The following LENG8 variants were observed in gnomAD, a reference collection of about 807,000 sequenced individuals.
The protein encoded by LENG8 is leukocyte receptor cluster (LRC) member 8.
A neutral mutation model predicts 102.1 loss-of-function variants in LENG8; 28 were observed. That is an observed-to-expected ratio of 0.27 (90% CI 0.20 to 0.38). The LOEUF is 0.38. Ranked by LOEUF, LENG8 falls within the 10% of genes least tolerant of loss-of-function variation. The pLI is 1.00. For synonymous variants in LENG8, 531 were observed against 456.7 expected (o/e 1.16, Z -2.07); for missense variants, 1,022 against 1,113.9 (o/e 0.92, Z 1.17).
At chr19:54,454,823 C>CACAT (rs1223757735) in intron 6 of LENG8, 128 bp from the exon 7 acceptor site, 1 of 1,431,382 alleles carries the variant, frequency 7.0e-7, no homozygotes, top group East Asian at 2.5e-5. Flanking sequence ...CTGGACCAGG[C>CACAT]ACATGTGTGC....
rs1314125077 is a variant in LENG8, at chr19:54,458,094, G to T, written c.1903-9G>T. ...TCTGCTCTCCTCCCTCGGTGCCTCT[G>T]CCTTCCAGGGTGACCATGAAGAGTT... On this transcript the variant is annotated splice_polypyrimidine_tract_variant and intron_variant, in intron 13 of 15. Coordinates refer to ENST00000326764, the MANE Select transcript of LENG8 (RefSeq NM_052925.4). 2.5e-6 allele frequency: 4 copies of T among 1,612,540 alleles called. No homozygotes were observed. The highest frequency in any genetic ancestry group is 3.4e-6 in the Non-Finnish European group (4 of 1,179,926).
At chr19:54,460,283 T>G (rs1875638646) in intron 15 of LENG8, 1 of 1,265,386 alleles carries the variant, frequency 7.9e-7, no homozygotes, top group East Asian at 5.7e-5. Flanking sequence ...CAGTAGTGTG[T>G]TTTAGCAGCA....
intron 15 of LENG8, chr19:54,459,140 C>T: frequency 1.5e-6 from 2 of 1,297,910 alleles, no homozygotes; most frequent in East Asian, 2.9e-5. Context: ...ATGGTTCTGT[C>T]TGGTGATTGA....
chr19:54,461,932 T>TTTCC lies in LENG8; in HGVS notation c.*1019_*1022dup, dbSNP rs988516292. On this transcript the variant is annotated 3_prime_UTR_variant, in exon 16 of 16. Transcript: ENST00000326764. ...TCCCCTTCCCCTCCTCTCCCCTCCT[T>TTTCC]TTCCTTCCTTCCTTCCTTTCCTTGG... The TTTCC allele has an allele frequency of 1.5e-5, 15 of 968,792 alleles. No individual in the cohort carries two copies. Among genetic ancestry groups the TTTCC allele is most frequent in the East Asian group, 7.2e-5 (3 of 41,804 alleles). The allele number at this position is 968,792 out of a possible 1,614,324, so 60.0% of individuals were successfully genotyped here. A position where few individuals can be genotyped will look rare whatever the true frequency, so the allele number is the denominator to read the frequency against.
chr19:54,459,473 C>T lies in LENG8; in HGVS notation c.2240+952C>T, dbSNP rs186588093. ...CTTGAGTGCCTGGCCAGGTGGCCCT[C>T]CACGTGAGGTCATGGTCACAGCATG... On this transcript the variant is annotated intron_variant, in intron 15 of 15. Transcript: ENST00000326764. The T allele has an allele frequency of 1.1e-4, 112 of 988,270 alleles. No individual in the cohort carries two copies. In the African/African-American group the frequency reaches 1.7e-3, roughly 15 times the overall value. 61.2% of individuals were successfully genotyped at this position (988,270 alleles called of 1,614,324 possible).
At chr19:54,457,038 T>C in intron 11 of LENG8, 117 bp downstream of exon 11, 1 of 1,180,542 alleles carries the variant, frequency 8.5e-7, no homozygotes, top group Non-Finnish European at 1.2e-6. Flanking sequence ...CAGGGGAAGC[T>C]CGGCCAGAGA....
At chr19:54,459,807 A>C in intron 15 of LENG8, 2 of 1,151,914 alleles carry the variant, frequency 1.7e-6, no homozygotes, top group South Asian at 3.5e-5. Flanking sequence ...TGCCGTGCAC[A>C]GAGCTCCATG....
chr19:54,452,729 C>A lies in LENG8; in HGVS notation c.292C>A (p.Pro98Thr). 1 of 1,613,482 alleles carries A rather than the reference C, an allele frequency of 6.2e-7. No homozygotes were observed. The highest frequency in any genetic ancestry group is 8.5e-7 in the Non-Finnish European group (1 of 1,179,384). Reference protein sequence around the residue: ...QWYQQYNYAYPYSYYYPMSMY... With the variant: ...QWYQQYNYAYTYSYYYPMSMY... ...GTACCAGCAGTACAACTATGCCTAC[C>A]CCTACAGCTACTACTATCCCATGGT... Residue 98 changes from proline (P) to threonine (T), a missense_variant, in exon 4 of 16, where the codon CCC (proline) becomes ACC (threonine). Physicochemically the swap from Pro to Thr is conservative, Grantham distance 38 (BLOSUM62 -1). Transcript: ENST00000326764.
At chr19:54,459,466 TG>T (rs1341346435) in intron 15 of LENG8, 1 of 986,170 alleles carries the variant, frequency 1.0e-6, no homozygotes, top group African/African-American at 1.8e-5. Context: ...CCTGGCCAGG[TG>T]GCCCTCCACG....
Position 54,458,363 on chromosome 19 carries a change from T to G in LENG8, c.2082T>G (p.Pro694=). 6.2e-7 allele frequency: 1 copy of G among 1,614,184 alleles called. No individual in the cohort carries two copies. The highest frequency in any genetic ancestry group is 1.1e-5 in the South Asian group (1 of 91,086). The change falls in exon 15 of 16, where the codon CCT becomes CCG. Residue 694 remains proline, a synonymous_variant. Transcript: ENST00000326764. Reference sequence around the variant, plus strand: ...TCACACGAGAACTGAAGGCAGATCCTTGCGTGGCCCACGCCTTGGCATTAA... The same window carrying G: ...TCACACGAGAACTGAAGGCAGATCCGTGCGTGGCCCACGCCTTGGCATTAA... ...AYLTRELKAD[P]CVAHALALRT...
chr19:54,456,127 A>T lies in LENG8; in HGVS notation c.1186A>T (p.Asn396Tyr). ...TGGGGGTGCCGGTCGAGCCCGGGGC[A>T]ACAGCTTCACCAAGTTTGGCAACCG... ...GAGGAGRARG[N>Y]SFTKFGNRNV... The change falls in exon 9 of 16, where the codon AAC becomes TAC. Residue 396 changes from asparagine (N) to tyrosine (Y), a missense_variant. Asn to Tyr is a moderately radical substitution (Grantham distance 143, BLOSUM62 -2). Around this residue, in one of 7 missense-constraint regions of LENG8, gnomAD observed 326 missense variants for 324.5 expected, o/e 1.00. Transcript: ENST00000326764. The T allele has an allele frequency of 6.2e-7, 1 of 1,610,822 alleles. No individual in the cohort carries two copies. Among genetic ancestry groups the T allele is most frequent in the Non-Finnish European group, 8.5e-7 (1 of 1,177,860 alleles).
intron 3 of LENG8, 143 bp downstream of exon 3, chr19:54,452,410 A>G (rs2084004972): frequency 3.5e-6 from 3 of 851,812 alleles, no homozygotes; most frequent in East Asian, 5.3e-5. Flanking sequence ...TCTGAACGGG[A>G]AAAAGTTCTG....
rs1233932892 is a variant in LENG8 at position 54,460,999 on chromosome 19, G to A, written c.*71G>A. On this transcript the variant is annotated 3_prime_UTR_variant, in exon 16 of 16. Coordinates refer to ENST00000326764, the MANE Select transcript of LENG8 (RefSeq NM_052925.4). ...CTGCCTTTGCGGATTCTGTTTTTGAGCCGTGGACTTGGGTTGTAAATTTAT... is the reference window on the plus strand; with the variant it reads ...CTGCCTTTGCGGATTCTGTTTTTGAACCGTGGACTTGGGTTGTAAATTTAT... 1.3e-6 allele frequency: 2 copies of A among 1,533,022 alleles called. No homozygotes were observed. Among genetic ancestry groups the A allele is most frequent in the Non-Finnish European group, 1.7e-6 (2 of 1,145,598 alleles). 95.0% of individuals were successfully genotyped at this position (1,533,022 alleles called of 1,614,324 possible). A position where few individuals can be genotyped will look rare whatever the true frequency, so the allele number is the denominator to read the frequency against.
chr19:54,451,963 T>C lies in LENG8; in HGVS notation c.39-130T>C. 1.0e-5 allele frequency: 8 copies of C among 794,040 alleles called. No homozygotes were observed. In the South Asian group the frequency reaches 1.2e-4, roughly 12 times the overall value. The allele number at this position is 794,040 out of a possible 1,614,324, so 49.2% of individuals were successfully genotyped here. A position where few individuals can be genotyped will look rare whatever the true frequency, so the allele number is the denominator to read the frequency against. ...AACCCTTTATCAGCATAGTACAGAT[T>C]AGAAAACTTAGGCTTAGACTGGTAG... On this transcript the variant is annotated intron_variant, in intron 2 of 15. Transcript: ENST00000326764.
intron 5 of LENG8, among the ~76,000 whole-genome samples, chr19:54,454,123 C>T (rs528435156): frequency 6.6e-6 from 1 of 152,180 alleles, no homozygotes; most frequent in Admixed American, 6.5e-5. Context: ...GATGGTAGCG[C>T]TGGAGTGGGT....
At chr19:54,460,718 T>TTGGCCCC in intron 15 of LENG8, 48 bp from the exon 16 acceptor site, 1 of 1,048,042 alleles carries the variant, frequency 9.5e-7, no homozygotes, top group Non-Finnish European at 1.3e-6. Flanking sequence ...GGCCCTCCCC[T>TTGGCCCC]GCCCTCCCGC....
intron 4 of LENG8, among the ~76,000 whole-genome samples, chr19:54,452,962 C>G (rs1161886163): frequency 1.3e-5 from 2 of 152,190 alleles, no homozygotes; most frequent in Admixed American, 6.5e-5. Flanking sequence ...GTTCTGGTCC[C>G]TTCTCTCCTC....
intron 9 of LENG8, 32 bp downstream of exon 9, chr19:54,456,277 A>T: frequency 6.2e-7 from 1 of 1,614,014 alleles, no homozygotes; most frequent in Non-Finnish European, 8.5e-7. Context: ...GCTGTGTGTG[A>T]GGGAGGGGGA....
At chr19:54,450,866 C>T (rs572724288) in intron 1 of LENG8, among the ~76,000 whole-genome samples, 6 of 152,098 alleles carry the variant, frequency 3.9e-5, no homozygotes, top group East Asian at 1.9e-4. Flanking sequence ...GTGACCTGCC[C>T]GCCTTGGCCT....
Sources: allele counts gnomAD v4.1 joint callset (sites outside exome capture counted in the v4.1 genomes callset), GRCh38; gene constraint gnomAD v4.1.1; regional missense constraint gnomAD v4.1.1; transcripts MANE v1.5; gene names NCBI Gene and HGNC (gene_info 2026-07-23, HGNC 2026-07-21).